The following KRT15 variants were observed in gnomAD, a reference collection of about 807,000 sequenced individuals.
The protein encoded by KRT15 is keratin, type I cytoskeletal 15.
KRT15 carries 45 observed loss-of-function variants against 46.6 expected under a neutral mutation model. The ratio of observed to expected loss-of-function variants is 0.97; its 90% CI spans 0.76 to 1.24. The LOEUF (loss-of-function observed/expected upper bound fraction) is 1.24. KRT15 is among the 50% of genes most tolerant of loss of function. The pLI, the probability that KRT15 is intolerant of heterozygous loss-of-function variation, is 0.00. For missense variants in KRT15, 592 were observed against 588.9 expected (o/e 1.01, Z -0.05); for synonymous variants, 221 against 233.8 (o/e 0.95, Z 0.50).
At position 41,516,186 on chromosome 17, in the gene KRT15, C is replaced by T. The variant is rs146803862; in HGVS notation, c.818G>A (p.Arg273His). 19 of 1,614,066 alleles carry T rather than the reference C, an allele frequency of 1.2e-5. No homozygotes were observed. The Middle Eastern group carries it at 4.9e-4, about 42-fold the overall frequency. Reference protein sequence around the residue: ...MDAAPGVDLTRVLAEMREQYE... With the variant: ...MDAAPGVDLTHVLAEMREQYE... ...CTGCTCCCTCATCTCTGCCAGCACA[C>T]GGGTCAGGTCCACACCCGGTGCTGC... is the stretch of plus-strand genomic sequence containing the variant. The change falls in exon 4 of 8, where the codon CGT becomes CAT. Residue 273 changes from arginine (R) to histidine (H), a missense_variant. Arg to His is a conservative substitution (Grantham distance 29). Coordinates refer to ENST00000254043, the MANE Select transcript of KRT15 (RefSeq NM_002275.4).
intron 5 of KRT15, 28 bp downstream of exon 5, chr17:41,515,857 G>A: frequency 3.1e-6 from 5 of 1,613,918 alleles, no homozygotes; most frequent in Non-Finnish European, 4.2e-6. Context: ...CCACCCGAGA[G>A]GCTGGGATGG....
Position 41,516,009 on chromosome 17 carries a change from G to A in KRT15, c.902C>T (p.Thr301Ile), listed in dbSNP as rs774970453. 6.2e-7 allele frequency: 1 copy of A among 1,614,186 alleles called. No homozygotes were observed. The highest frequency in any genetic ancestry group is 1.1e-5 in the South Asian group (1 of 91,080). The part of the protein sequence containing the change: ...RDVEAWFFSK[T>I]EELNKEVASN... The stretch of plus-strand genomic sequence containing the variant: ...GGCCACCTCTTTGTTCAGCTCCTCA[G>A]TCTGTAGGTCATGCACAACAGAAGT... Residue 301 changes from threonine (T) to isoleucine (I), a missense_variant and splice_region_variant, in exon 5 of 8, where the codon ACT (threonine) becomes ATT (isoleucine). Coordinates refer to ENST00000254043, the MANE Select transcript of KRT15 (RefSeq NM_002275.4).
chr17:41,516,620 C>A (rs1183516951), intron 3 of KRT15, among the ~76,000 whole-genome samples, 188 bp downstream of exon 3: 1 of 152,202 alleles, frequency 6.6e-6, no homozygotes, highest in African/African-American at 2.4e-5. Context: ...TGTTTCTGAA[C>A]CACTAAGCCC....
intron 6 of KRT15, chr17:41,514,942 C>A: frequency 2.7e-6 from 1 of 375,816 alleles, no homozygotes; most frequent in South Asian, 4.1e-5. Flanking sequence ...TCTCAGCCCA[C>A]TGAAACCTCC....
intron 2 of KRT15, 56 bp downstream of exon 2, chr17:41,517,027 G>A (rs752634723): frequency 1.2e-6 from 2 of 1,614,086 alleles, no homozygotes; most frequent in East Asian, 2.2e-5. Flanking sequence ...TCAGAGCCAG[G>A]AGAAGGCCAA....
At position 41,518,732 on chromosome 17, in the gene KRT15, C is replaced by T; in HGVS notation, c.96G>A (p.Gly32=). The T allele has an allele frequency of 6.2e-7, 1 of 1,607,792 alleles. No homozygotes were observed. The highest frequency in any genetic ancestry group is 8.5e-7 in the Non-Finnish European group (1 of 1,176,410). Residue 32 remains glycine, a synonymous_variant, in exon 1 of 8, where the codon GGG becomes GGA. Transcript: ENST00000254043. ...TTCCACCTCCCCCAGAGAGACTCCCCCCACCAAAGCCACCTCCCCCAGCCA... is the reference window on the plus strand; with the variant it reads ...TTCCACCTCCCCCAGAGAGACTCCCTCCACCAAAGCCACCTCCCCCAGCCA... ...SLLAGGGGFG[G]GSLSGGGGSR...
rs1322289067 is a variant in KRT15, at chr17:41,517,151, G to C, written c.513C>G (p.Thr171=). 3.1e-6 allele frequency: 5 copies of C among 1,614,128 alleles called. No homozygotes were observed. The highest frequency in any genetic ancestry group is 4.2e-6 in the Non-Finnish European group (5 of 1,180,020). ...CCAGGATGACCCGGGAGTTGTCGAT[G>C]GTGGTGGCCATGATCTGCAGGAGAC... The part of the protein sequence containing the change: ...EELRDKIMAT[T]IDNSRVILEI... Residue 171 remains threonine (T), a synonymous_variant, in exon 2 of 8, where the codon ACC becomes ACG. Coordinates refer to ENST00000254043, the MANE Select transcript of KRT15 (RefSeq NM_002275.4).
chr17:41,518,609 A>T lies in KRT15; in HGVS notation c.219T>A (p.Ala73=), dbSNP rs372995228. Residue 73 remains alanine, a synonymous_variant, in exon 1 of 8, where the codon GCT becomes GCA. Transcript: ENST00000254043. Reference sequence around the variant, plus strand: ...CAAAGCCTCCACCGAAAACACTACCAGCCCCTCCACCAAAGCCACAGACCC... The same window carrying T: ...CAAAGCCTCCACCGAAAACACTACCTGCCCCTCCACCAAAGCCACAGACCC... ...GMRVCGFGGG[A]GSVFGGGFGG... 6.2e-7 allele frequency: 1 copy of T among 1,607,242 alleles called. No individual in the cohort carries two copies. The highest frequency in any genetic ancestry group is 8.5e-7 in the Non-Finnish European group (1 of 1,177,716).
Position 41,516,855 on chromosome 17 carries a change from C to G in KRT15, c.691G>C (p.Glu231Gln), listed in dbSNP as rs1193860183. 6.2e-7 allele frequency: 1 copy of G among 1,614,124 alleles called. No homozygotes were observed. Among genetic ancestry groups the G allele is most frequent in the African/African-American group, 1.3e-5 (1 of 74,946 alleles). Residue 231 changes from glutamate (E) to glutamine (Q), a missense_variant, in exon 3 of 8, where the codon GAG becomes CAG. Coordinates refer to ENST00000254043, the MANE Select transcript of KRT15 (RefSeq NM_002275.4). ...TAGGCTAGCTCCTCATTCAGGCCCTCGATCTGCATCTCCAGGTCAGTCCTG... is the reference window on the plus strand; with the variant it reads ...TAGGCTAGCTCCTCATTCAGGCCCTGGATCTGCATCTCCAGGTCAGTCCTG... ...LARTDLEMQI[E>Q]GLNEELAYLK...
chr17:41,514,962 G>T (rs1175158103), intron 6 of KRT15: 5 of 339,704 alleles, frequency 1.5e-5, no homozygotes, highest in Non-Finnish European at 2.7e-5. Context: ...CGCCTCCCGG[G>T]TTCAAGTGAT....
rs767019289 is a variant in KRT15 at position 41,516,906 on chromosome 17, G to A, written c.640C>T (p.Arg214Ter). ...GVEADINGLR[R>*]VLDELTLART... ...GCCAGGGTCAGCTCATCCAGGACTC[G>A]GCGCAAGCCGTTGATGTCAGCCTCA... The change falls in exon 3 of 8, where the codon CGA becomes TGA. Residue 214 changes from arginine to a stop codon, truncating the protein, a stop_gained. Coordinates refer to ENST00000254043, the MANE Select transcript of KRT15 (RefSeq NM_002275.4). LOFTEE classifies it high-confidence loss of function. The A allele has an allele frequency of 6.8e-6, 11 of 1,614,040 alleles. No homozygotes were observed. The highest frequency in any genetic ancestry group is 2.2e-5 in the South Asian group (2 of 91,084).
chr17:41,517,825 G>T (rs1286785957), intron 1 of KRT15, among the ~76,000 whole-genome samples: 1 of 152,210 alleles, frequency 6.6e-6, no homozygotes, highest in Non-Finnish European at 1.5e-5. Flanking sequence ...TGCAAAAGAG[G>T]TAAAGGAATA....
chr17:41,518,268 A>G (rs1428537970), intron 1 of KRT15, 62 bp downstream of exon 1: 2 of 1,533,582 alleles, frequency 1.3e-6, no homozygotes, highest in Non-Finnish European at 1.8e-6. Flanking sequence ...TAACACTGAC[A>G]TTAGAGCTGT....
intron 3 of KRT15, 39 bp downstream of exon 3, chr17:41,516,769 C>A (rs773264021): frequency 1.9e-6 from 3 of 1,609,490 alleles, no homozygotes; most frequent in African/African-American, 2.7e-5. Context: ...AGGTTCCCCA[C>A]CTCTCTCGGG....
In KRT15 at chr17:41,516,090, GAT is replaced by G. The variant is rs761652749; in HGVS notation, c.900+12_900+13del. ...ACCTGGGGCAGGAAGGGCAGGGCAGGATATAAGGCCCACCTTGCTGAAGAACC... is the reference window on the plus strand; with the variant it reads ...ACCTGGGGCAGGAAGGGCAGGGCAGGATAAGGCCCACCTTGCTGAAGAACC... On this transcript the variant is annotated intron_variant, in intron 4 of 7. Transcript: ENST00000254043. The G allele has an allele frequency of 3.1e-6, 5 of 1,614,030 alleles. No homozygotes were observed. The highest frequency in any genetic ancestry group is 3.4e-6 in the Non-Finnish European group (4 of 1,180,022).
chr17:41,515,466 G>C lies in KRT15; in HGVS notation c.1247+6C>G. 6.2e-7 allele frequency: 1 copy of C among 1,611,324 alleles called. No individual in the cohort carries two copies. Among genetic ancestry groups the C allele is most frequent in the Non-Finnish European group, 8.5e-7 (1 of 1,178,814 alleles). On this transcript the variant is annotated splice_donor_region_variant and intron_variant, in intron 6 of 7. Coordinates refer to ENST00000254043, the MANE Select transcript of KRT15 (RefSeq NM_002275.4). ...ATCACTCCTTCCCCTGTGCCCAGGC[G>C]CCTACTTGGCATCCTGGCCCTCGAG...
At position 41,518,364 on chromosome 17, in the gene KRT15, T is replaced by G. The variant is rs1310993575; in HGVS notation, c.464A>C (p.Gln155Pro). The G allele has an allele frequency of 1.2e-6, 2 of 1,614,002 alleles. No homozygotes were observed. The highest frequency in any genetic ancestry group is 2.2e-5 in the South Asian group (2 of 91,072). Residue 155 changes from glutamine (Q) to proline (P), a missense_variant, in exon 1 of 8, where the codon CAA becomes CCA. Physicochemically the swap from Gln to Pro is moderately conservative, Grantham distance 76. Transcript: ENST00000254043. ...TPTSPECDYSQYFKTIEELRD... is the reference protein window; with the variant it reads ...TPTSPECDYSPYFKTIEELRD... ...GAGCTCTTCAATGGTCTTGAAGTAT[T>G]GGCTGTAGTCGCATTCTGGGCTGGT...
chr17:41,514,178 G>T, intron 7 of KRT15, 58 bp from the exon 8 acceptor site: 1 of 1,374,184 alleles, frequency 7.3e-7, no homozygotes, highest in Non-Finnish European at 1.0e-6. Context: ...TGCCACGGTG[G>T]CCAGGACCTT....
Position 41,516,822 on chromosome 17 carries a change from T to A in KRT15, c.724A>T (p.Lys242Ter). 2 of 1,614,190 alleles carry A rather than the reference T, an allele frequency of 1.2e-6. No individual in the cohort carries two copies. Among genetic ancestry groups the A allele is most frequent in the South Asian group, 1.1e-5 (1 of 91,084 alleles). ...CCAGCTCTCACCTCTTCGTGGTTCT[T>A]CTTCAGGTAGGCTAGCTCCTCATTC... ...GLNEELAYLK[K>*]NHEEEMKEFS... Residue 242 changes from lysine to a stop codon, truncating the protein, a stop_gained, in exon 3 of 8, where the codon AAG (lysine) becomes TAG (stop). Coordinates refer to ENST00000254043, the MANE Select transcript of KRT15 (RefSeq NM_002275.4). LOFTEE classifies it high-confidence loss of function.
Sources: allele counts gnomAD v4.1 joint callset (sites outside exome capture counted in the v4.1 genomes callset), GRCh38; gene constraint gnomAD v4.1.1; transcripts MANE v1.5; gene names NCBI Gene and HGNC (gene_info 2026-07-23, HGNC 2026-07-21).